NCKAP5: variants seen among roughly 807,000 people sequenced by gnomAD.
The protein encoded by NCKAP5 is NCK associated protein 5, also known as nck-associated protein 5.
In NCKAP5, 92 loss-of-function variants were observed where a neutral mutation model predicts 167.0. That is an observed-to-expected ratio of 0.55 (90% CI 0.47 to 0.66). NCKAP5 has a LOEUF of 0.66. Ranked by LOEUF, NCKAP5 falls within the 30% of genes least tolerant of loss-of-function variation. The pLI is 0.00. For missense variants in NCKAP5, 2,378 were observed against 2,315.0 expected (o/e 1.03, Z -0.56); for synonymous variants, 891 against 877.4 (o/e 1.02, Z -0.27).
At chr2:133,154,519 G>T (rs959072229) in intron 5 of NCKAP5, among the ~76,000 whole-genome samples, 5 of 152,230 alleles carry the variant, frequency 3.3e-5, no homozygotes, top group Admixed American at 6.5e-5. Flanking sequence ...AGTCACTTCT[G>T]CAAGGGGCTG....
intron 6 of NCKAP5, among the ~76,000 whole-genome samples, chr2:133,008,356 C>T (rs142941235): frequency 1.9e-4 from 29 of 152,202 alleles, no homozygotes; most frequent in South Asian, 1.7e-3. Flanking sequence ...CCCTCTGGTC[C>T]GGAAATCTTC....
At position 133,385,987 on chromosome 2, in the gene NCKAP5, C is replaced by A. The variant is rs922722264; in HGVS notation, c.70-82877G>T. Reference sequence around the variant, plus strand: ...GGTCAATCAATTTTGTTGATCTTTTCAAAAAACCAGCTCCTGGATTCATTG... The same window carrying A: ...GGTCAATCAATTTTGTTGATCTTTTAAAAAAACCAGCTCCTGGATTCATTG... On this transcript the variant is annotated intron_variant, in intron 3 of 19. Transcript: ENST00000409261. Among the ~76,000 whole-genome samples the A allele has an allele frequency of 3.3e-5, 5 of 152,174 alleles. No homozygotes were observed. The East Asian group carries it at 9.7e-4, about 29-fold the overall frequency.
rs1286122754 is a variant in NCKAP5, at chr2:133,277,272, GA to G, written c.143+25764del. 3.3e-5 allele frequency among the ~76,000 whole-genome samples: 5 copies of G among 152,248 alleles called. No homozygotes were observed. The East Asian group carries it at 9.6e-4, about 29-fold the overall frequency. On this transcript the variant is annotated intron_variant, in intron 4 of 19. Coordinates refer to ENST00000409261, the MANE Select transcript of NCKAP5 (RefSeq NM_207363.3). ...TGTAGATGACATGGTAGTACTCCTG[GA>G]AAATGAAGAAAATTATGATAAAAAA...
rs753536056 is a variant in NCKAP5, at chr2:132,785,339, A to G, written c.1472T>C (p.Val491Ala). Residue 491 changes from valine (V) to alanine (A), a missense_variant, in exon 14 of 20, where the codon GTT becomes GCT. Physicochemically the swap from Val to Ala is moderately conservative, Grantham distance 64. Coordinates refer to ENST00000409261, the MANE Select transcript of NCKAP5 (RefSeq NM_207363.3). Reference protein sequence around the residue: ...DPSTLALLQAVPNQSCRPHGS... With the variant: ...DPSTLALLQAAPNQSCRPHGS... ...ATGTGGCCTGCAGCTCTGGTTTGGA[A>G]CTGCTTGGAGCAATGCTAAGGTGGA... The G allele has an allele frequency of 6.2e-7, 1 of 1,613,576 alleles. No individual in the cohort carries two copies. The highest frequency in any genetic ancestry group is 2.2e-5 in the East Asian group (1 of 44,868).
At chr2:132,954,851 A>G in intron 8 of NCKAP5, 1 of 350,954 alleles carries the variant, frequency 2.8e-6, no homozygotes, top group South Asian at 2.2e-5. Context: ...CTGCTAGTAC[A>G]AAGTTACATA....
intron 3 of NCKAP5, among the ~76,000 whole-genome samples, chr2:133,497,936 T>C (rs1208469040): frequency 6.6e-6 from 1 of 152,264 alleles, no homozygotes; most frequent in East Asian, 1.9e-4. Context: ...CAACCCGCAA[T>C]GGTGAAAATG....
the NCKAP5 span, among the ~76,000 whole-genome samples, chr2:133,616,981 T>G: frequency 6.6e-6 from 1 of 152,218 alleles, no homozygotes; most frequent in African/African-American, 2.4e-5. Context: ...ATCCCTGGGA[T>G]GCAAGTCTGG....
At chr2:133,607,785 A>G in the NCKAP5 span, among the ~76,000 whole-genome samples, 1 of 152,166 alleles carries the variant, frequency 6.6e-6, no homozygotes, top group Non-Finnish European at 1.5e-5. Flanking sequence ...GACAAGTATG[A>G]TTCAAACCCT....
At chr2:132,926,140 C>T (rs759356386) in intron 8 of NCKAP5, 44 of 344,758 alleles carry the variant, frequency 1.3e-4, no homozygotes, top group East Asian at 2.5e-4. Context: ...TTGTGGTATT[C>T]GACGTTCTGT....
chr2:132,889,387 A>T (rs1156670363), intron 8 of NCKAP5, among the ~76,000 whole-genome samples: 1 of 152,252 alleles, frequency 6.6e-6, no homozygotes, highest in Non-Finnish European at 1.5e-5. Context: ...TTATGTGTAC[A>T]TTCAATTACT....
chr2:133,226,178 T>C (rs1010837374), intron 4 of NCKAP5, among the ~76,000 whole-genome samples: 1 of 152,110 alleles, frequency 6.6e-6, no homozygotes. Context: ...TGGGCTCAAG[T>C]GATCCTCCCA....
At chr2:133,122,899 A>T (rs1023888900) in intron 6 of NCKAP5, 3 of 152,210 alleles carry the variant, frequency 2.0e-5, no homozygotes, top group African/African-American at 7.2e-5. Context: ...AAAGCATAAA[A>T]AGCATTATAA....
At chr2:132,798,817 C>G (rs1460344838) in intron 11 of NCKAP5, among the ~76,000 whole-genome samples, 1 of 152,148 alleles carries the variant, frequency 6.6e-6, no homozygotes, top group Non-Finnish European at 1.5e-5. Flanking sequence ...AACTGAACCT[C>G]TTAGTCTCAA....
intron 3 of NCKAP5, among the ~76,000 whole-genome samples, chr2:133,437,736 C>T (rs1690583296): frequency 6.6e-6 from 1 of 152,104 alleles, no homozygotes; most frequent in African/African-American, 2.4e-5. Flanking sequence ...TGCTCCTCCA[C>T]TGGGAGGACA....
chr2:133,629,240 T>A, the NCKAP5 span, among the ~76,000 whole-genome samples: 1 of 152,202 alleles, frequency 6.6e-6, no homozygotes, highest in Non-Finnish European at 1.5e-5. Context: ...TCTATCCATC[T>A]GACAAAGGTC....
chr2:133,308,708 T>TC, intron 3 of NCKAP5, among the ~76,000 whole-genome samples: 1 of 131,026 alleles, frequency 7.6e-6, no homozygotes, highest in African/African-American at 2.9e-5. Context: ...TTTTTTTTTT[T>TC]TTTTTTTTTT....
At chr2:133,127,590 C>T (rs1044349172) in intron 6 of NCKAP5, among the ~76,000 whole-genome samples, 2 of 152,164 alleles carry the variant, frequency 1.3e-5, no homozygotes, top group Non-Finnish European at 2.9e-5. Context: ...GCAGAAGACC[C>T]AGCATCATAT....
intron 6 of NCKAP5, among the ~76,000 whole-genome samples, chr2:133,038,783 A>T (rs2149447716): frequency 6.6e-6 from 1 of 152,314 alleles, no homozygotes; most frequent in Non-Finnish European, 1.5e-5. Context: ...AATTAAAAAA[A>T]ATAAATAAAA....
intron 5 of NCKAP5, among the ~76,000 whole-genome samples, chr2:133,197,694 TA>T (rs1163192738): frequency 1.3e-5 from 2 of 152,184 alleles, no homozygotes; most frequent in Non-Finnish European, 2.9e-5. Context: ...CTCATGCCTG[TA>T]ATCCCAGCAC....
Sources: allele counts gnomAD v4.1 joint callset (sites outside exome capture counted in the v4.1 genomes callset), GRCh38; gene constraint gnomAD v4.1.1; transcripts MANE v1.5; gene names NCBI Gene and HGNC (gene_info 2026-07-23, HGNC 2026-07-21).